The following MKI67 variants were observed in gnomAD, a reference collection of about 807,000 sequenced individuals.
The protein encoded by MKI67 is proliferation marker protein Ki-67.
Under a neutral mutation model 233.5 loss-of-function variants are expected in MKI67, and 152 were observed. The ratio of observed to expected loss-of-function variants is 0.65; its 90% CI spans 0.57 to 0.74. MKI67 has a LOEUF of 0.74. Ranked by LOEUF, MKI67 falls within the 30% of genes least tolerant of loss-of-function variation. MKI67 has a pLI of 0.00. For synonymous variants in MKI67, 1,465 were observed against 1,418.5 expected (o/e 1.03, Z -0.74); for missense variants, 3,940 against 3,885.2 (o/e 1.01, Z -0.37).
chr10:128,106,650 T>G lies in MKI67; in HGVS notation c.5190A>C (p.Glu1730Asp). ...PSHTKESMTN[E>D]KTTKVSYRAS... ...CTCTGTAGGATACTTTGGTAGTTTT[T>G]TCGTTAGTCATTGATTCCTTAGTGT... The change falls in exon 13 of 15, where the codon GAA (glutamate) becomes GAC (aspartate). Residue 1730 changes from glutamate (E) to aspartate (D), a missense_variant. Glu to Asp is a conservative substitution (Grantham distance 45). Coordinates refer to ENST00000368654, the MANE Select transcript of MKI67 (RefSeq NM_002417.5). 1 of 1,614,070 alleles carries G rather than the reference T, an allele frequency of 6.2e-7. No homozygotes were observed. The highest frequency in any genetic ancestry group is 8.5e-7 in the Non-Finnish European group (1 of 1,179,992).
rs145282191 is a variant in MKI67, at chr10:128,102,768, C to T, written c.9072G>A (p.Glu3024=). The change falls in exon 13 of 15, where the codon GAG becomes GAA. Residue 3024 remains glutamate (E), a synonymous_variant. Transcript: ENST00000368654. ...CMPAPEEIVE[E]LPASKKQRVA... ...CCCTCTGCTTCTTGCTGGCTGGCAG[C>T]TCCTCCACAATTTCCTCTGGTGCTG... 1,048 of 1,614,244 alleles carry T rather than the reference C, an allele frequency of 6.5e-4. 10 individuals are homozygous for T. Among genetic ancestry groups the T allele is most frequent in the South Asian group, 6.0e-3 (543 of 91,086 alleles).
chr10:128,107,393 G>A lies in MKI67; in HGVS notation c.4447C>T (p.Pro1483Ser). 6.2e-7 allele frequency: 1 copy of A among 1,611,820 alleles called. No individual in the cohort carries two copies. Among genetic ancestry groups the A allele is most frequent in the Non-Finnish European group, 8.5e-7 (1 of 1,179,432 alleles). The change falls in exon 13 of 15, where the codon CCC (proline) becomes TCC (serine). Residue 1483 changes from proline to serine, a missense_variant. Physicochemically the swap from Pro to Ser is moderately conservative, Grantham distance 74. Coordinates refer to ENST00000368654, the MANE Select transcript of MKI67 (RefSeq NM_002417.5). Reference protein sequence around the residue: ...LFQTPVCTDKPTTHEKTTKIA... With the variant: ...LFQTPVCTDKSTTHEKTTKIA... The stretch of plus-strand genomic sequence containing the variant: ...TTGGTAGTTTTCTCGTGAGTCGTGG[G>A]CTTGTCAGTGCATACTGGTGTCTGG...
Position 128,125,958 on chromosome 10 carries a change from C to G in MKI67, c.-90+141G>C. ...GCCTGCGCCTCCTGGGAGCTTCCACCGAGACGCCCTCGCCAGAGCCCAGGA... is the reference window on the plus strand; with the variant it reads ...GCCTGCGCCTCCTGGGAGCTTCCACGGAGACGCCCTCGCCAGAGCCCAGGA... On this transcript the variant is annotated intron_variant, in intron 1 of 14. Transcript: ENST00000368654. This position sits in a 1 kb window ranked among gnomAD's most constrained non-coding sequence, Gnocchi z 5.3. The G allele has an allele frequency of 2.3e-6, 1 of 432,494 alleles. No homozygotes were observed. Among genetic ancestry groups the G allele is most frequent in the Non-Finnish European group, 4.3e-6 (1 of 234,006 alleles). 26.8% of individuals were successfully genotyped at this position (432,494 alleles called of 1,614,324 possible). A position where few individuals can be genotyped will look rare whatever the true frequency, so the allele number is the denominator to read the frequency against.
chr10:128,120,696 T>C (rs1272622299), intron 4 of MKI67, among the ~76,000 whole-genome samples: 2 of 152,096 alleles, frequency 1.3e-5, no homozygotes, highest in South Asian at 2.1e-4. Flanking sequence ...TTTAGCAGAA[T>C]GGATTTTTAA....
chr10:128,106,847 C>CTGTG lies in MKI67; in HGVS notation c.4989_4992dup (p.Glu1665HisfsTer8), dbSNP rs145960091. 2 of 1,604,066 alleles carry CTGTG rather than the reference C, an allele frequency of 1.2e-6. No homozygotes were observed. Among genetic ancestry groups the CTGTG allele is most frequent in the Non-Finnish European group, 1.7e-6 (2 of 1,172,708 alleles). On this transcript the variant is annotated frameshift_variant, in exon 13 of 15. Coordinates refer to ENST00000368654, the MANE Select transcript of MKI67 (RefSeq NM_002417.5). LOFTEE classifies it high-confidence loss of function. ...ATGCTCTTACCATCTCCTGTTGGCT[C>CTGTG]TGTGTGTGTGTGTGTAGTCTCTCCT... is the stretch of plus-strand genomic sequence containing the variant.
Position 128,112,332 on chromosome 10 carries a change from A to G in MKI67, c.1770T>C (p.Val590=). ...AGGACCTACGGCGTTGATCACTGGC[A>G]ACTGGAGTTTTCCTAGGACTAGGAG... ...PPAPSPRKTP[V]ASDQRRRSCK... The change falls in exon 9 of 15, where the codon GTT becomes GTC. Residue 590 remains valine (V), a synonymous_variant. Transcript: ENST00000368654. 5.0e-6 allele frequency: 8 copies of G among 1,614,194 alleles called. No individual in the cohort carries two copies. The highest frequency in any genetic ancestry group is 6.8e-6 in the Non-Finnish European group (8 of 1,180,032).
chr10:128,099,356 C>T lies in MKI67; in HGVS notation c.9706-101G>A, dbSNP rs1002866966. On this transcript the variant is annotated intron_variant, in intron 14 of 14. Transcript: ENST00000368654. ...CCCCAAAGGCTTACTAGGTATTATG[C>T]AGGTCCTTAGTTGCAGAAAATTAAT... is the stretch of plus-strand genomic sequence containing the variant. The T allele has an allele frequency of 2.5e-5, 18 of 708,846 alleles. No individual in the cohort carries two copies. In the South Asian group the frequency reaches 3.5e-4, roughly 14 times the overall value. 43.9% of individuals were successfully genotyped at this position (708,846 alleles called of 1,614,324 possible). A position where few individuals can be genotyped will look rare whatever the true frequency, so the allele number is the denominator to read the frequency against.
In MKI67 at chr10:128,105,022, C is replaced by T; in HGVS notation, c.6818G>A (p.Gly2273Glu). ...GKAMDTPKPA[G>E]GDEKDMKAFM... ...TGCTTTCATGTCTTTCTCATCACCT[C>T]CTGCTGGTTTGGGTGTGTCCATAGC... Residue 2273 changes from glycine to glutamate, a missense_variant, in exon 13 of 15, where the codon GGA (glycine) becomes GAA (glutamate). Coordinates refer to ENST00000368654, the MANE Select transcript of MKI67 (RefSeq NM_002417.5). The T allele has an allele frequency of 1.2e-6, 2 of 1,610,036 alleles. No individual in the cohort carries two copies. The highest frequency in any genetic ancestry group is 1.4e-5 in the African/African-American group (1 of 73,602).
intron 14 of MKI67, among the ~76,000 whole-genome samples, chr10:128,100,307 C>G (rs1404695035): frequency 1.3e-5 from 2 of 152,170 alleles, no homozygotes; most frequent in Non-Finnish European, 2.9e-5. Flanking sequence ...CACACAAGCC[C>G]TCCCCCTCCA....
intron 5 of MKI67, 145 bp from the exon 6 acceptor site, chr10:128,116,681 C>A: frequency 1.5e-6 from 1 of 688,102 alleles, no homozygotes; most frequent in South Asian, 1.6e-5. Flanking sequence ...CCAAGGTGGG[C>A]GGATCACTTG....
chr10:128,105,039 G>A lies in MKI67; in HGVS notation c.6801C>T (p.Asp2267=), dbSNP rs1852447258. The change falls in exon 13 of 15, where the codon GAC becomes GAT. Residue 2267 remains aspartate (D), a synonymous_variant. Transcript: ENST00000368654. ...CATCACCTCCTGCTGGTTTGGGTGT[G>A]TCCATAGCTTTCCCTACTGATGGTG... The part of the protein sequence containing the change: ...KRTPSVGKAM[D]TPKPAGGDEK... 1.2e-6 allele frequency: 2 copies of A among 1,613,030 alleles called. No individual in the cohort carries two copies. Among genetic ancestry groups the A allele is most frequent in the Non-Finnish European group, 8.5e-7 (1 of 1,179,818 alleles).
intron 5 of MKI67, among the ~76,000 whole-genome samples, chr10:128,118,643 C>T (rs1852858430): frequency 6.6e-6 from 1 of 152,112 alleles, no homozygotes; most frequent in South Asian, 2.1e-4. Flanking sequence ...ACTAAAATAC[C>T]TCTTCCACAC....
chr10:128,102,336 G>T (rs532279769), intron 13 of MKI67, among the ~76,000 whole-genome samples: 1 of 152,148 alleles, frequency 6.6e-6, no homozygotes, highest in Non-Finnish European at 1.5e-5. Context: ...TACTCATTTG[G>T]CTTTTGAGAA....
At chr10:128,111,117 A>C (rs545264599) in intron 11 of MKI67, among the ~76,000 whole-genome samples, 2 of 152,336 alleles carry the variant, frequency 1.3e-5, no homozygotes, top group South Asian at 4.1e-4. Context: ...TGCGCCGGCC[A>C]TCCCCACTTT....
chr10:128,099,860 G>A (rs1225549606), intron 14 of MKI67, among the ~76,000 whole-genome samples: 1 of 152,160 alleles, frequency 6.6e-6, no homozygotes, highest in African/African-American at 2.4e-5. Flanking sequence ...CGTCTCCTGG[G>A]TGCTTGTGTG....
rs777453069 is a variant in MKI67 at position 128,099,157 on chromosome 10, C to T, written c.*33G>A. On this transcript the variant is annotated 3_prime_UTR_variant, in exon 15 of 15. Transcript: ENST00000368654. ...GCACTAGAACTTATCACAAAACTAA[C>T]TTTATTATATTTTTCCCAGTTCGAT... 6.5e-7 allele frequency: 1 copy of T among 1,547,906 alleles called. No individual in the cohort carries two copies.
chr10:128,107,404 C>T lies in MKI67; in HGVS notation c.4436G>A (p.Cys1479Tyr). Reference sequence around the variant, plus strand: ...CTCGTGAGTCGTGGGCTTGTCAGTGCATACTGGTGTCTGGAAGAGCTCTTT... The same window carrying T: ...CTCGTGAGTCGTGGGCTTGTCAGTGTATACTGGTGTCTGGAAGAGCTCTTT... ...GLKELFQTPV[C>Y]TDKPTTHEKT... is the part of the protein sequence containing the mutation. The change falls in exon 13 of 15, where the codon TGC becomes TAC. Residue 1479 changes from cysteine to tyrosine, a missense_variant. Cys to Tyr is a radical substitution (Grantham distance 194). Coordinates refer to ENST00000368654, the MANE Select transcript of MKI67 (RefSeq NM_002417.5). 6.2e-7 allele frequency: 1 copy of T among 1,609,736 alleles called. No homozygotes were observed. The highest frequency in any genetic ancestry group is 8.5e-7 in the Non-Finnish European group (1 of 1,178,730).
Position 128,107,399 on chromosome 10 carries a change from C to T in MKI67, c.4441G>A (p.Asp1481Asn). 6.2e-7 allele frequency: 1 copy of T among 1,613,712 alleles called. No homozygotes were observed. Among genetic ancestry groups the T allele is most frequent in the Non-Finnish European group, 8.5e-7 (1 of 1,179,948 alleles). The change falls in exon 13 of 15, where the codon GAC (aspartate) becomes AAC (asparagine). Residue 1481 changes from aspartate (D) to asparagine (N), a missense_variant. Physicochemically the swap from Asp to Asn is conservative, Grantham distance 23 (BLOSUM62 1). Coordinates refer to ENST00000368654, the MANE Select transcript of MKI67 (RefSeq NM_002417.5). ...KELFQTPVCT[D>N]KPTTHEKTTK... is the part of the protein sequence containing the mutation. ...GTTTTCTCGTGAGTCGTGGGCTTGT[C>T]AGTGCATACTGGTGTCTGGAAGAGC... is the stretch of plus-strand genomic sequence containing the variant.
At position 128,115,709 on chromosome 10, in the gene MKI67, AT is replaced by A. The variant is rs749903408; in HGVS notation, c.698del (p.Asn233MetfsTer12). The A allele has an allele frequency of 7.4e-6, 12 of 1,610,994 alleles. No homozygotes were observed. The highest frequency in any genetic ancestry group is 2.7e-5 in the African/African-American group (2 of 74,774). ...CATAAAGCTTCCAAAAGGGAGATTCATTTTTTTTGCTATTGTCAAGACATTG... is the reference window on the plus strand; with the variant it reads ...CATAAAGCTTCCAAAAGGGAGATTCATTTTTTTGCTATTGTCAAGACATTG... ...TTQCLDNSKK[N>X]ESPFWKLYES... On this transcript the variant is annotated frameshift_variant, in exon 7 of 15. Transcript: ENST00000368654. LOFTEE classifies it high-confidence loss of function.
Sources: gnomAD v4.1 joint callset for allele counts (sites outside exome capture counted in the v4.1 genomes callset) on GRCh38, gnomAD v4.1.1 for gene constraint, Gnocchi (gnomAD v3.1) non-coding constraint, MANE v1.5 for transcripts, NCBI Gene and HGNC (gene_info 2026-07-23, HGNC 2026-07-21) for gene names.